Variants in MDGA2 observed in about 807,000 individuals in gnomAD.
MDGA2 encodes MAM domain containing glycosylphosphatidylinositol anchor 2.
A neutral mutation model predicts 117.8 loss-of-function variants in MDGA2; 40 were observed. That is an observed-to-expected ratio of 0.34 (90% CI 0.26 to 0.44). MDGA2 has a LOEUF of 0.44. MDGA2 is among the 20% of genes least tolerant of loss of function. The pLI, the probability that MDGA2 is intolerant of heterozygous loss-of-function variation, is 1.00. For synonymous variants in MDGA2, 452 were observed against 439.0 expected (o/e 1.03, Z -0.37); for missense variants, 1,123 against 1,250.6 (o/e 0.90, Z 1.54).
At chr14:47,244,926 A>G (rs1887188353) in intron 2 of MDGA2, among the ~76,000 whole-genome samples, 1 of 151,848 alleles carries the variant, frequency 6.6e-6, no homozygotes, top group Admixed American at 6.6e-5. Flanking sequence ...AGCCTACTCA[A>G]TGAGAAAACA....
chr14:47,629,722 TAAGC>T (rs1172579594), intron 1 of MDGA2, among the ~76,000 whole-genome samples: 1 of 152,236 alleles, frequency 6.6e-6, no homozygotes, highest in Non-Finnish European at 1.5e-5. Context: ...ATTTTATAGT[TAAGC>T]AATTAAAATT....
At chr14:47,279,405 G>A (rs1273267123) in intron 2 of MDGA2, among the ~76,000 whole-genome samples, 1 of 152,122 alleles carries the variant, frequency 6.6e-6, no homozygotes, top group African/African-American at 2.4e-5. Flanking sequence ...TGTTTCTCTT[G>A]CACTGTACTT....
In MDGA2 at chr14:47,340,958, A is replaced by G. The variant is rs73251878; in HGVS notation, c.281-39408T>C. Among the ~76,000 whole-genome samples, 1,154 of 152,290 alleles carry G rather than the reference A, an allele frequency of 7.6e-3. 12 individuals are homozygous for G. Among genetic ancestry groups the G allele is most frequent in the African/African-American group, 0.027 (1,102 of 41,568 alleles). ...GATTTTAGACCCAACACTTAAGAGA[A>G]TATTGATTCAGGTTGGTTGCTTGTA... is the stretch of plus-strand genomic sequence containing the variant. On this transcript the variant is annotated intron_variant, in intron 1 of 16. Coordinates refer to ENST00000399232, the MANE Select transcript of MDGA2 (RefSeq NM_001113498.3).
At chr14:47,164,578 C>T (rs529839622) in intron 3 of MDGA2, among the ~76,000 whole-genome samples, 5 of 152,152 alleles carry the variant, frequency 3.3e-5, no homozygotes, top group East Asian at 1.9e-4. Context: ...GTTAGAATGG[C>T]GATCATTAAA....
At chr14:46,889,991 GTTC>G (rs1319302471) in intron 10 of MDGA2, among the ~76,000 whole-genome samples, 2 of 151,940 alleles carry the variant, frequency 1.3e-5, no homozygotes, top group African/African-American at 4.8e-5. Context: ...CCACTCTATT[GTTC>G]TTCTCTCACT....
intron 1 of MDGA2, among the ~76,000 whole-genome samples, chr14:47,327,900 G>T (rs1890188268): frequency 6.6e-6 from 1 of 152,114 alleles, no homozygotes; most frequent in Admixed American, 6.6e-5. Context: ...AGGAAAAGGT[G>T]GAAGCTAGAA....
intron 9 of MDGA2, among the ~76,000 whole-genome samples, chr14:46,935,636 C>A (rs1394123510): frequency 6.6e-6 from 1 of 152,128 alleles, no homozygotes; most frequent in Non-Finnish European, 1.5e-5. Flanking sequence ...AGCCACTTAA[C>A]ATTAGGTTTT....
rs1044647340 is a variant in MDGA2 at position 47,176,864 on chromosome 14, A to T, written c.596-32590T>A. Among the ~76,000 whole-genome samples, 3 of 152,292 alleles carry T rather than the reference A, an allele frequency of 2.0e-5. No individual in the cohort carries two copies. In the East Asian group the frequency reaches 5.8e-4, roughly 29 times the overall value. ...GAAACTACCATCAGAGTGAACAGGC[A>T]ACCTACACAATGGGAGAAAATTTTC... On this transcript the variant is annotated intron_variant, in intron 3 of 16. Transcript: ENST00000399232.
At chr14:46,908,985 A>G (rs1177746627) in intron 10 of MDGA2, among the ~76,000 whole-genome samples, 1 of 152,166 alleles carries the variant, frequency 6.6e-6, no homozygotes, top group African/African-American at 2.4e-5. Flanking sequence ...ATACAGAATG[A>G]ATTTTAACGA....
At chr14:47,109,832 G>A (rs1284585508) in intron 5 of MDGA2, among the ~76,000 whole-genome samples, 1 of 152,110 alleles carries the variant, frequency 6.6e-6, no homozygotes, top group Non-Finnish European at 1.5e-5. Context: ...TGTAGTCCCA[G>A]CTACTTGGGA....
intron 1 of MDGA2, among the ~76,000 whole-genome samples, chr14:47,494,910 GTA>G (rs1299416557): frequency 2.7e-5 from 4 of 148,304 alleles, no homozygotes; most frequent in Non-Finnish European, 6.0e-5. Context: ...TATATATTGT[GTA>G]TATGTGTATA....
intron 2 of MDGA2, among the ~76,000 whole-genome samples, chr14:47,282,717 A>AAC (rs1555369733): frequency 6.2e-4 from 92 of 148,252 alleles, no homozygotes; most frequent in African/African-American, 1.9e-3. Context: ...ACAAAAAACA[A>AAC]AAAACAAAAA....
intron 1 of MDGA2, among the ~76,000 whole-genome samples, chr14:47,464,272 T>A (rs1893554052): frequency 6.6e-6 from 1 of 152,090 alleles, no homozygotes; most frequent in Non-Finnish European, 1.5e-5. Context: ...AATCAAATTC[T>A]CTTTCTCACA....
rs574337554 is a variant in MDGA2, at chr14:47,214,087, G to A, written c.595+3934C>T. Among the ~76,000 whole-genome samples the A allele has an allele frequency of 6.6e-5, 10 of 152,176 alleles. No individual in the cohort carries two copies. The East Asian group carries it at 9.7e-4, about 15-fold the overall frequency. On this transcript the variant is annotated intron_variant, in intron 3 of 16. Coordinates refer to ENST00000399232, the MANE Select transcript of MDGA2 (RefSeq NM_001113498.3). Reference sequence around the variant, plus strand: ...ACTATCACGAGAACTGCATGGAAGAGACCACCTGCATGATTCAATTACCTC... The same window carrying A: ...ACTATCACGAGAACTGCATGGAAGAAACCACCTGCATGATTCAATTACCTC...
intron 1 of MDGA2, among the ~76,000 whole-genome samples, chr14:47,624,556 T>C (rs1412250842): frequency 2.0e-5 from 3 of 152,214 alleles, no homozygotes; most frequent in South Asian, 4.1e-4. Context: ...TGTAAGGATA[T>C]AAATAGAGCC....
chr14:47,465,412 A>G (rs1230634090), intron 1 of MDGA2, among the ~76,000 whole-genome samples: 5 of 152,192 alleles, frequency 3.3e-5, no homozygotes, highest in Admixed American at 6.5e-5. Context: ...AGAATGAAAG[A>G]AAATTTCTGC....
At chr14:47,074,303 CTT>C (rs35598400) in intron 6 of MDGA2, among the ~76,000 whole-genome samples, 10 of 144,906 alleles carry the variant, frequency 6.9e-5, no homozygotes, top group Admixed American at 1.4e-4. Context: ...AGTAACAGAA[CTT>C]TTTTTTTTTT....
At chr14:47,229,868 A>T (rs1331147386) in intron 2 of MDGA2, among the ~76,000 whole-genome samples, 1 of 152,020 alleles carries the variant, frequency 6.6e-6, no homozygotes, top group Non-Finnish European at 1.5e-5. Context: ...AGGATATTCC[A>T]GTTGGCTGTA....
intron 1 of MDGA2, among the ~76,000 whole-genome samples, chr14:47,462,078 C>T (rs1020959264): frequency 2.0e-5 from 3 of 152,128 alleles, no homozygotes; most frequent in Admixed American, 6.5e-5. Flanking sequence ...TAATTGCTTT[C>T]GTACCTTTAA....
Sources: gnomAD v4.1 joint callset for allele counts (sites outside exome capture counted in the v4.1 genomes callset) on GRCh38, gnomAD v4.1.1 for gene constraint, MANE v1.5 for transcripts, NCBI Gene and HGNC (gene_info 2026-07-23, HGNC 2026-07-21) for gene names.